NUBPL: variants seen among roughly 807,000 people sequenced by gnomAD.
NUBPL encodes NUBP iron-sulfur cluster assembly factor, mitochondrial.
NUBPL carries 31 observed loss-of-function variants against 45.7 expected under a neutral mutation model. That is an observed-to-expected ratio of 0.68 (90% CI 0.51 to 0.92). The LOEUF (loss-of-function observed/expected upper bound fraction) is 0.92, where lower values mean the gene tolerates loss of function less well. Among genes scored for constraint, NUBPL ranks in the 40% least tolerant of loss-of-function variants. The pLI is 0.00. For synonymous variants in NUBPL, 144 were observed against 140.9 expected, an observed-to-expected ratio of 1.02 and a Z score of -0.15; for missense variants, 401 against 398.7, an observed-to-expected ratio of 1.01 and a Z score of -0.05.
chr14:31,767,148 CTT>C (rs1300548190), intron 6 of NUBPL, among the ~76,000 whole-genome samples: 4 of 152,078 alleles, frequency 2.6e-5, no homozygotes, highest in African/African-American at 9.7e-5. Flanking sequence ...ATTCAAATCT[CTT>C]GTTATTAGAT....
intron 4 of NUBPL, among the ~76,000 whole-genome samples, chr14:31,667,039 C>T (rs1403770814): frequency 6.6e-6 from 1 of 152,040 alleles, no homozygotes; most frequent in East Asian, 1.9e-4. Context: ...CTTGGGGTTA[C>T]TCTTCTCGAG....
chr14:31,842,542 C>T (rs1220078848), intron 8 of NUBPL, among the ~76,000 whole-genome samples: 4 of 152,052 alleles, frequency 2.6e-5, no homozygotes, highest in Admixed American at 2.0e-4. Context: ...GTGGCACAAT[C>T]ACAGAGCTCA....
At chr14:31,816,678 T>G (rs936757878) in intron 7 of NUBPL, among the ~76,000 whole-genome samples, 18 of 152,180 alleles carry the variant, frequency 1.2e-4, no homozygotes, top group African/African-American at 4.3e-4. Flanking sequence ...GTGCTATAAA[T>G]TTCCCTCTAA....
intron 7 of NUBPL, among the ~76,000 whole-genome samples, chr14:31,816,321 G>A (rs1347304119): frequency 6.6e-6 from 1 of 152,162 alleles, no homozygotes; most frequent in Admixed American, 6.5e-5. Context: ...TTTGCATAGA[G>A]GTGTTTATAG....
At chr14:31,606,654 A>G (rs929959925) in intron 4 of NUBPL, among the ~76,000 whole-genome samples, 8 of 152,110 alleles carry the variant, frequency 5.3e-5, no homozygotes, top group Non-Finnish European at 1.2e-4. Context: ...CAGTTTTAAG[A>G]TGACTAGTAC....
At chr14:31,711,111 C>T (rs927355719) in intron 6 of NUBPL, among the ~76,000 whole-genome samples, 10 of 152,160 alleles carry the variant, frequency 6.6e-5, no homozygotes, top group African/African-American at 1.4e-4. Flanking sequence ...GGGTGAGTCT[C>T]GCTTGGGCGA....
chr14:31,712,950 A>C (rs2037610611), intron 6 of NUBPL, among the ~76,000 whole-genome samples: 1 of 152,124 alleles, frequency 6.6e-6, no homozygotes, highest in African/African-American at 2.4e-5. Flanking sequence ...AACGAGAAGC[A>C]GGTGACCACT....
At chr14:31,833,724 C>T (rs2138989689) in intron 8 of NUBPL, among the ~76,000 whole-genome samples, 1 of 152,258 alleles carries the variant, frequency 6.6e-6, no homozygotes, top group South Asian at 2.1e-4. Flanking sequence ...TCTAAAATTA[C>T]ATTAGGAGCC....
chr14:31,668,670 A>C (rs994590958), intron 4 of NUBPL, among the ~76,000 whole-genome samples: 2 of 152,188 alleles, frequency 1.3e-5, no homozygotes, highest in African/African-American at 4.8e-5. Flanking sequence ...CTTGAAACCC[A>C]GGGCGCTGGT....
chr14:31,668,599 G>T lies in NUBPL; in HGVS notation c.383-4756G>T, dbSNP rs568457415. On this transcript the variant is annotated intron_variant, in intron 4 of 10. Transcript: ENST00000281081. ...CACTGGGGTTCCAGGTGCCATTGGG[G>T]TATGAAAAAACACTCCTGCAGCTAG... Among the ~76,000 whole-genome samples, 34 of 152,274 alleles carry T rather than the reference G, an allele frequency of 2.2e-4. No individual in the cohort carries two copies. In the South Asian group the frequency reaches 5.4e-3, roughly 24 times the overall value.
At chr14:31,576,725 C>T (rs1030023143) in intron 3 of NUBPL, among the ~76,000 whole-genome samples, 1 of 152,208 alleles carries the variant, frequency 6.6e-6, no homozygotes, top group Admixed American at 6.5e-5. Flanking sequence ...GGTCCTCTAT[C>T]CAATTCCAAT....
Position 31,708,253 on chromosome 14 carries a change from C to T in NUBPL, c.513+34679C>T, listed in dbSNP as rs543074389. ...AAGGCTTGAGCTTTTAAATATTTAACAATATCCTTTAATCCTTTATGAGCT... is the reference window on the plus strand; with the variant it reads ...AAGGCTTGAGCTTTTAAATATTTAATAATATCCTTTAATCCTTTATGAGCT... On this transcript the variant is annotated intron_variant, in intron 6 of 10. Coordinates refer to ENST00000281081, the MANE Select transcript of NUBPL (RefSeq NM_025152.3). Among the ~76,000 whole-genome samples the T allele has an allele frequency of 1.8e-4, 28 of 152,336 alleles. No homozygotes were observed. In the South Asian group the frequency reaches 5.0e-3, roughly 27 times the overall value.
intron 4 of NUBPL, among the ~76,000 whole-genome samples, chr14:31,645,555 T>C (rs991184237): frequency 1.3e-5 from 2 of 152,176 alleles, no homozygotes; most frequent in African/African-American, 4.8e-5. Context: ...CCTTTGTTAT[T>C]GTCTTCTTTT....
At chr14:31,739,163 G>T (rs1029033612) in intron 6 of NUBPL, among the ~76,000 whole-genome samples, 3 of 135,734 alleles carry the variant, frequency 2.2e-5, no homozygotes, top group African/African-American at 8.8e-5. Flanking sequence ...ACAGATGCCC[G>T]CCACCACACC....
At chr14:31,841,103 G>A (rs1457071221) in intron 8 of NUBPL, among the ~76,000 whole-genome samples, 2 of 152,152 alleles carry the variant, frequency 1.3e-5, no homozygotes, top group Non-Finnish European at 2.9e-5. Context: ...TGATGGACAC[G>A]AGTAGTTTTC....
chr14:31,839,872 A>G (rs2040340770), intron 8 of NUBPL, among the ~76,000 whole-genome samples: 1 of 152,200 alleles, frequency 6.6e-6, no homozygotes, highest in Non-Finnish European at 1.5e-5. Context: ...AGGGAAATGC[A>G]AATCAAAACC....
intron 3 of NUBPL, among the ~76,000 whole-genome samples, chr14:31,580,902 C>T (rs1435410966): frequency 2.6e-5 from 4 of 152,166 alleles, no homozygotes; most frequent in African/African-American, 7.2e-5. Flanking sequence ...CCTCATAAGC[C>T]GTGGTGGAAA....
At chr14:31,639,681 C>T (rs1005768610) in intron 4 of NUBPL, among the ~76,000 whole-genome samples, 3 of 152,204 alleles carry the variant, frequency 2.0e-5, no homozygotes, top group African/African-American at 4.8e-5. Flanking sequence ...TGCCCTACCC[C>T]AGAGATGGAG....
intron 6 of NUBPL, among the ~76,000 whole-genome samples, chr14:31,736,380 T>G (rs1404843202): frequency 6.6e-6 from 1 of 152,182 alleles, no homozygotes. Context: ...CTCTTGTGTC[T>G]TTATACTCAA....
Sources: allele counts gnomAD v4.1 joint callset (sites outside exome capture counted in the v4.1 genomes callset), GRCh38; gene constraint gnomAD v4.1.1; transcripts MANE v1.5; gene names NCBI Gene and HGNC (gene_info 2026-07-23, HGNC 2026-07-21).